The following VTI1A variants were observed in gnomAD, a reference collection of about 807,000 sequenced individuals.
The protein encoded by VTI1A is vesicle transport through interaction with t-SNAREs homolog 1A.
VTI1A carries 22 observed loss-of-function variants against 34.9 expected under a neutral mutation model. That is an observed-to-expected ratio of 0.63 (90% CI 0.45 to 0.90). The LOEUF (loss-of-function observed/expected upper bound fraction) is 0.90. VTI1A is among the 40% of genes least tolerant of loss of function. The pLI, the probability that VTI1A is intolerant of heterozygous loss-of-function variation, is 0.00. For missense variants in VTI1A, 268 were observed against 275.6 expected, an observed-to-expected ratio of 0.97 and a Z score of 0.20; for synonymous variants, 87 against 97.3, an observed-to-expected ratio of 0.89 and a Z score of 0.62.
intron 7 of VTI1A, among the ~76,000 whole-genome samples, chr10:112,669,249 A>G (rs181460895): frequency 1.6e-3 from 243 of 152,266 alleles, no homozygotes; most frequent in Non-Finnish European, 2.1e-3. Flanking sequence ...AGGGTTAGAC[A>G]TGAAGTATTT....
At chr10:112,614,669 G>A (rs1305474205) in intron 5 of VTI1A, among the ~76,000 whole-genome samples, 1 of 152,178 alleles carries the variant, frequency 6.6e-6, no homozygotes, top group Non-Finnish European at 1.5e-5. Flanking sequence ...CATCTTGAAG[G>A]ACTTGTGGAG....
At chr10:112,459,348 T>C (rs1320644728) in intron 1 of VTI1A, among the ~76,000 whole-genome samples, 1 of 152,242 alleles carries the variant, frequency 6.6e-6, no homozygotes, top group Admixed American at 6.5e-5. Flanking sequence ...GCAGCGCTTC[T>C]AGGCTCATTT....
At chr10:112,533,406 T>C (rs1850513527) in intron 4 of VTI1A, 1 of 639,020 alleles carries the variant, frequency 1.6e-6, no homozygotes, top group Non-Finnish European at 2.0e-6. Context: ...GTCTGTGATT[T>C]TTAAATGCTA....
chr10:112,782,591 A>G (rs906605327), intron 7 of VTI1A, among the ~76,000 whole-genome samples: 1 of 152,236 alleles, frequency 6.6e-6, no homozygotes, highest in Non-Finnish European at 1.5e-5. Flanking sequence ...AGCTGGAATT[A>G]TAGTGGGGCT....
intron 5 of VTI1A, among the ~76,000 whole-genome samples, chr10:112,545,053 A>G (rs1018444965): frequency 2.0e-5 from 3 of 152,196 alleles, no homozygotes; most frequent in Non-Finnish European, 4.4e-5. Context: ...ATGAGAAGAC[A>G]TGTTAGGAAG....
chr10:112,759,924 G>A (rs1377115559), intron 7 of VTI1A, among the ~76,000 whole-genome samples: 2 of 152,158 alleles, frequency 1.3e-5, no homozygotes, highest in Non-Finnish European at 2.9e-5. Context: ...AATTAAACAA[G>A]ACAAACAAAA....
intron 5 of VTI1A, among the ~76,000 whole-genome samples, chr10:112,653,219 G>T (rs925409377): frequency 6.6e-6 from 1 of 152,150 alleles, no homozygotes; most frequent in African/African-American, 2.4e-5. Context: ...CATTTGATTT[G>T]GTTCTAGGAA....
chr10:112,647,368 T>C lies in VTI1A; in HGVS notation c.428-20850T>C, dbSNP rs117520252. Among the ~76,000 whole-genome samples, 40 of 152,348 alleles carry C rather than the reference T, an allele frequency of 2.6e-4. 1 individual carries two copies. In the East Asian group the frequency reaches 7.1e-3, roughly 27 times the overall value. ...GCAATCTCTTCTGAATCCATAGATA[T>C]AATCAGAGTCAGGCTCTGCTTATAA... On this transcript the variant is annotated intron_variant, in intron 5 of 7. Coordinates refer to ENST00000393077, the MANE Select transcript of VTI1A (RefSeq NM_145206.4).
intron 7 of VTI1A, among the ~76,000 whole-genome samples, chr10:112,707,971 A>C (rs1246697759): frequency 6.6e-6 from 1 of 152,218 alleles, no homozygotes; most frequent in African/African-American, 2.4e-5. Flanking sequence ...TTTATTAAAC[A>C]TCTAGCCAAT....
rs1359334231 is a variant in VTI1A at position 112,751,068 on chromosome 10, T to TA, written c.561-64222_561-64221insA. Among the ~76,000 whole-genome samples the TA allele has an allele frequency of 4.4e-4, 67 of 152,164 alleles. 1 individual carries two copies. The highest frequency in any genetic ancestry group is 1.6e-3 in the African/African-American group (67 of 41,438). ...TCTTCCTTTTATATTGCCTCCTGGA[T>TA]TTGGGTTGTTTTCCTTTATCTGTCC... On this transcript the variant is annotated intron_variant, in intron 7 of 7. Transcript: ENST00000393077.
intron 3 of VTI1A, among the ~76,000 whole-genome samples, chr10:112,486,702 TG>T (rs370017608): frequency 1.2e-4 from 8 of 67,156 alleles, no homozygotes; most frequent in Non-Finnish European, 2.5e-4. Context: ...AATATACAAC[TG>T]TATATTCTAA....
intron 3 of VTI1A, among the ~76,000 whole-genome samples, chr10:112,519,073 A>G (rs1849915167): frequency 6.6e-6 from 1 of 152,110 alleles, no homozygotes; most frequent in African/African-American, 2.4e-5. Context: ...TATGAACCCT[A>G]TAACCTCACT....
At chr10:112,783,813 T>C (rs1308366112) in intron 7 of VTI1A, among the ~76,000 whole-genome samples, 1 of 152,188 alleles carries the variant, frequency 6.6e-6, no homozygotes, top group Non-Finnish European at 1.5e-5. Flanking sequence ...GCTGAGCCGA[T>C]TCCAGCATGT....
At position 112,542,365 on chromosome 10, in the gene VTI1A, C is replaced by G. The variant is rs1347730857; in HGVS notation, c.427+4035C>G. On this transcript the variant is annotated intron_variant, in intron 5 of 7. Transcript: ENST00000393077. ...CTGGAACTGTGAGAGTTTGTCTACA[C>G]TCAGCAGCCTCACATCCTTGAATCA... Among the ~76,000 whole-genome samples, 6 of 152,206 alleles carry G rather than the reference C, an allele frequency of 3.9e-5. No individual in the cohort carries two copies. In the East Asian group the frequency reaches 1.2e-3, roughly 29 times the overall value.
intron 3 of VTI1A, among the ~76,000 whole-genome samples, chr10:112,467,908 A>C (rs192586137): frequency 6.6e-6 from 1 of 152,240 alleles, no homozygotes; most frequent in Non-Finnish European, 1.5e-5. Context: ...AACAAGATAA[A>C]GTTCTACTTG....
intron 5 of VTI1A, among the ~76,000 whole-genome samples, chr10:112,582,143 T>G (rs1286537475): frequency 6.6e-6 from 1 of 152,148 alleles, no homozygotes; most frequent in African/African-American, 2.4e-5. Flanking sequence ...GGAATTCTGG[T>G]GAGGACTCTC....
chr10:112,548,540 A>C (rs1851223272), intron 5 of VTI1A: 1 of 660,450 alleles, frequency 1.5e-6, no homozygotes, highest in Non-Finnish European at 2.6e-6. Flanking sequence ...GGCCAATTGA[A>C]ACAAACAGTT....
intron 7 of VTI1A, among the ~76,000 whole-genome samples, chr10:112,736,039 T>G (rs1850440313): frequency 6.8e-6 from 1 of 147,528 alleles, no homozygotes; most frequent in Non-Finnish European, 1.5e-5. Flanking sequence ...TTATATATAG[T>G]ATATGTTTAT....
chr10:112,752,186 A>G (rs1442700770), intron 7 of VTI1A, among the ~76,000 whole-genome samples: 2 of 152,226 alleles, frequency 1.3e-5, no homozygotes, highest in Non-Finnish European at 1.5e-5. Flanking sequence ...AGATGCAGTT[A>G]TGAGAGGGTT....
Sources: allele counts gnomAD v4.1 joint callset (sites outside exome capture counted in the v4.1 genomes callset), GRCh38; gene constraint gnomAD v4.1.1; transcripts MANE v1.5; gene names NCBI Gene and HGNC (gene_info 2026-07-23, HGNC 2026-07-21).